The following LACTB2 variants were observed in gnomAD, a reference collection of about 807,000 sequenced individuals.
LACTB2 encodes endoribonuclease LACTB2.
In LACTB2, 32 loss-of-function variants were observed where a neutral mutation model predicts 34.8. The observed-to-expected ratio is 0.92, with a 90% CI of 0.69 to 1.24. The LOEUF (loss-of-function observed/expected upper bound fraction) is 1.24, where lower values mean the gene tolerates loss of function less well. LACTB2 is among the 50% of genes most tolerant of loss of function. LACTB2 has a pLI of 0.00. For synonymous variants in LACTB2, 120 were observed against 117.5 expected, an observed-to-expected ratio of 1.02 and a Z score of -0.14; for missense variants, 320 against 345.0, an observed-to-expected ratio of 0.93 and a Z score of 0.57.
intron 3 of LACTB2, among the ~76,000 whole-genome samples, chr8:70,645,571 C>T (rs1469851055): frequency 4.6e-5 from 7 of 151,306 alleles, no homozygotes; most frequent in African/African-American, 9.7e-5. Flanking sequence ...TGTATACATG[C>T]GCCATGTTGG....
At chr8:70,663,789 T>C (rs1818508150) in intron 1 of LACTB2, among the ~76,000 whole-genome samples, 1 of 152,212 alleles carries the variant, frequency 6.6e-6, no homozygotes, top group African/African-American at 2.4e-5. Flanking sequence ...TCTTGCTTTT[T>C]TTCCATAGCA....
chr8:70,644,286 C>A (rs371842598), intron 3 of LACTB2, 43 bp from the exon 4 acceptor site: 2 of 1,344,360 alleles, frequency 1.5e-6, no homozygotes, highest in South Asian at 1.8e-5. Context: ...ATTATGAACT[C>A]GAGCTTAGAA....
At position 70,637,692 on chromosome 8, in the gene LACTB2, G is replaced by A. The variant is rs1818140540; in HGVS notation, c.*168C>T. On this transcript the variant is annotated 3_prime_UTR_variant, in exon 7 of 7. Transcript: ENST00000276590. Reference sequence around the variant, plus strand: ...TAGAGAAATAACCTATCATATGGTTGTATAGTGTAATTTACATATTTTAGC... The same window carrying A: ...TAGAGAAATAACCTATCATATGGTTATATAGTGTAATTTACATATTTTAGC... The A allele has an allele frequency of 2.5e-6, 1 of 407,446 alleles. No homozygotes were observed. The highest frequency in any genetic ancestry group is 9.0e-5 in the South Asian group (1 of 11,080). The allele number at this position is 407,446 out of a possible 1,614,324, so 25.2% of individuals were successfully genotyped here.
rs1441754249 is a variant in LACTB2, at chr8:70,637,764, T to C, written c.*96A>G. The C allele has an allele frequency of 4.5e-6, 3 of 667,488 alleles. No individual in the cohort carries two copies. Among genetic ancestry groups the C allele is most frequent in the Non-Finnish European group, 7.2e-6 (3 of 417,944 alleles). 41.3% of individuals were successfully genotyped at this position (667,488 alleles called of 1,614,324 possible). Reference sequence around the variant, plus strand: ...AGTATATCTAGGGTTATTTTTAATGTTTTATACTTTTATATTCTCTATAAA... The same window carrying C: ...AGTATATCTAGGGTTATTTTTAATGCTTTATACTTTTATATTCTCTATAAA... On this transcript the variant is annotated 3_prime_UTR_variant, in exon 7 of 7. Transcript: ENST00000276590.
chr8:70,638,660 CTTT>C lies in LACTB2; in HGVS notation c.742-34_742-32del, dbSNP rs11399242. 8 of 1,103,488 alleles carry C rather than the reference CTTT, an allele frequency of 7.2e-6. No homozygotes were observed. The African/African-American group carries it at 1.0e-4, about 14-fold the overall frequency. 68.4% of individuals were successfully genotyped at this position (1,103,488 alleles called of 1,614,324 possible). A position where few individuals can be genotyped will look rare whatever the true frequency, so the allele number is the denominator to read the frequency against. On this transcript the variant is annotated intron_variant, in intron 5 of 6. Transcript: ENST00000276590. ...AGAAAAATGAAGGTGAAAAAAATTCCTTTTTTTTTAAAAAAAAGAACACAGTTA... is the reference window on the plus strand; with the variant it reads ...AGAAAAATGAAGGTGAAAAAAATTCCTTTTTTAAAAAAAAGAACACAGTTA...
At chr8:70,657,481 G>C (rs895830305) in intron 3 of LACTB2, among the ~76,000 whole-genome samples, 12 of 149,552 alleles carry the variant, frequency 8.0e-5, no homozygotes, top group African/African-American at 3.0e-4. Context: ...GCACAGGCTG[G>C]AATGCAGTGG....
intron 1 of LACTB2, among the ~76,000 whole-genome samples, chr8:70,665,520 G>A (rs1456601694): frequency 6.6e-6 from 1 of 152,164 alleles, no homozygotes; most frequent in Non-Finnish European, 1.5e-5. Context: ...GTGTTATCTA[G>A]ATGTTATGAG....
At chr8:70,650,117 G>A (rs185658070) in intron 3 of LACTB2, among the ~76,000 whole-genome samples, 9 of 152,086 alleles carry the variant, frequency 5.9e-5, no homozygotes, top group Admixed American at 1.3e-4. Flanking sequence ...CAAAGAGCTG[G>A]GATTACAGGT....
At chr8:70,656,239 T>C (rs114471551) in intron 3 of LACTB2, among the ~76,000 whole-genome samples, 1 of 152,208 alleles carries the variant, frequency 6.6e-6, no homozygotes, top group Non-Finnish European at 1.5e-5. Flanking sequence ...TTCGGGTTCT[T>C]GGTCATGAAA....
intron 3 of LACTB2, among the ~76,000 whole-genome samples, chr8:70,650,758 A>AG (rs1818331511): frequency 7.7e-6 from 1 of 129,886 alleles, no homozygotes; most frequent in African/African-American, 2.8e-5. Context: ...AAAAAAAAAA[A>AG]GAAAAAAAAA....
At chr8:70,663,765 T>C (rs1332534322) in intron 1 of LACTB2, among the ~76,000 whole-genome samples, 3 of 152,152 alleles carry the variant, frequency 2.0e-5, no homozygotes, top group Non-Finnish European at 2.9e-5. Context: ...CTGATGCTAT[T>C]CCTAGCCATC....
chr8:70,668,870 G>A (rs777208482), intron 1 of LACTB2, 129 bp downstream of exon 1: 72 of 1,309,674 alleles, frequency 5.5e-5, no homozygotes, highest in Non-Finnish European at 7.4e-5. Flanking sequence ...CGACGGGGCT[G>A]CTAGGCGCGG....
intron 2 of LACTB2, among the ~76,000 whole-genome samples, chr8:70,658,517 T>C (rs1818441774): frequency 6.6e-6 from 1 of 152,134 alleles, no homozygotes; most frequent in Non-Finnish European, 1.5e-5. Context: ...GCTGTCCTGA[T>C]TGGGAAACTA....
intron 2 of LACTB2, among the ~76,000 whole-genome samples, chr8:70,659,668 C>G (rs925431086): frequency 6.6e-6 from 1 of 152,100 alleles, no homozygotes; most frequent in Non-Finnish European, 1.5e-5. Flanking sequence ...GAAATGGAGG[C>G]ATTACATTTC....
intron 3 of LACTB2, among the ~76,000 whole-genome samples, chr8:70,647,783 C>T (rs1254903208): frequency 6.6e-6 from 1 of 152,058 alleles, no homozygotes; most frequent in East Asian, 1.9e-4. Flanking sequence ...AGGAAGGTGG[C>T]TGAAATAAGA....
chr8:70,639,242 C>A (rs778256253), intron 5 of LACTB2, among the ~76,000 whole-genome samples: 86 of 152,090 alleles, frequency 5.7e-4, no homozygotes, highest in South Asian at 1.3e-3. Flanking sequence ...TCACTGCAAC[C>A]TCCACCTCCC....
intron 5 of LACTB2, 103 bp downstream of exon 5, chr8:70,640,799 G>GT: frequency 8.0e-7 from 1 of 1,242,974 alleles, no homozygotes; most frequent in Non-Finnish European, 1.0e-6. Context: ...GAAAAGTGGC[G>GT]TAACTTCTGA....
Position 70,645,050 on chromosome 8 carries a change from TTATA to T in LACTB2, c.414-811_414-808del, listed in dbSNP as rs560448122. 7.3e-5 allele frequency among the ~76,000 whole-genome samples: 11 copies of T among 151,486 alleles called. No homozygotes were observed. In the East Asian group the frequency reaches 2.1e-3, roughly 30 times the overall value. On this transcript the variant is annotated intron_variant, in intron 3 of 6. Coordinates refer to ENST00000276590, the MANE Select transcript of LACTB2 (RefSeq NM_016027.3). ...TACATCATTATATGTTTACATCATT[TTATA>T]TATATATATACACACACACACACAT... is the stretch of plus-strand genomic sequence containing the variant.
chr8:70,668,758 T>G (rs7012619), intron 1 of LACTB2, among the ~76,000 whole-genome samples: 58,075 of 100,552 alleles, frequency 0.58, 13,548 homozygotes, highest in Non-Finnish European at 0.65. Context: ...GTTTTTTTTT[T>G]TTTTTTTTTT....
Sources: allele counts gnomAD v4.1 joint callset (sites outside exome capture counted in the v4.1 genomes callset), GRCh38; gene constraint gnomAD v4.1.1; transcripts MANE v1.5; gene names NCBI Gene and HGNC (gene_info 2026-07-23, HGNC 2026-07-21).